Variants in RHOQ observed in about 807,000 individuals in gnomAD.
RHOQ encodes the protein ras homolog family member Q.
In RHOQ, 7 loss-of-function variants were observed where a neutral mutation model predicts 25.8. The ratio of observed to expected loss-of-function variants is 0.27; its 90% CI spans 0.15 to 0.51. RHOQ has a LOEUF of 0.51. Ranked by LOEUF, RHOQ falls within the 20% of genes least tolerant of loss-of-function variation. The pLI is 0.97. For synonymous variants in RHOQ, 97 were observed against 98.6 expected (o/e 0.98, Z 0.10); for missense variants, 165 against 260.6 (o/e 0.63, Z 2.53).
rs370119449 is a variant in RHOQ at position 46,543,058 on chromosome 2, G to A, written c.12G>A (p.Gly4=). The A allele has an allele frequency of 3.7e-6, 6 of 1,601,396 alleles. No individual in the cohort carries two copies. The South Asian group carries it at 6.7e-5, about 18-fold the overall frequency. The change falls in exon 1 of 5, where the codon GGG becomes GGA. Residue 4 remains glycine (G), a synonymous_variant. Coordinates refer to ENST00000238738, the MANE Select transcript of RHOQ (RefSeq NM_012249.4). ...CGGCCGGCAGCAGCATGGCTCACGG[G>A]CCCGGCGCGCTGATGCTCAAGTGCG... MAH[G]PGALMLKCVV... is the part of the protein sequence containing the mutation.
rs1669360513 is a variant in RHOQ, at chr2:46,581,300, T to G, written c.*217T>G. On this transcript the variant is annotated 3_prime_UTR_variant, in exon 5 of 5. Transcript: ENST00000238738. ...GAAGCCACAATCTATTATAAATACT[T>G]TATTTCAACTAGAAGGTACAATCTC... The G allele has an allele frequency of 1.0e-6, 1 of 998,532 alleles. No individual in the cohort carries two copies. The highest frequency in any genetic ancestry group is 1.4e-6 in the Non-Finnish European group (1 of 690,168). 61.9% of individuals were successfully genotyped at this position (998,532 alleles called of 1,614,324 possible).
chr2:46,543,266 C>T, intron 1 of RHOQ, 78 bp downstream of exon 1: 2 of 1,545,414 alleles, frequency 1.3e-6, no homozygotes, highest in South Asian at 2.2e-5. Context: ...AGCCCCCTCG[C>T]CGCCTCCCCA....
At position 46,581,824 on chromosome 2, in the gene RHOQ, C is replaced by G; in HGVS notation, c.*741C>G. ...CAATTGTAGATTTAGTTTGACGCTC[C>G]CCAAAGTGCATGAGACACATGCTAA... On this transcript the variant is annotated 3_prime_UTR_variant, in exon 5 of 5. Coordinates refer to ENST00000238738, the MANE Select transcript of RHOQ (RefSeq NM_012249.4). 4.6e-6 allele frequency: 2 copies of G among 438,194 alleles called. No individual in the cohort carries two copies. The highest frequency in any genetic ancestry group is 7.5e-6 in the Non-Finnish European group (2 of 266,624). The allele number at this position is 438,194 out of a possible 1,614,324, so 27.1% of individuals were successfully genotyped here.
At chr2:46,557,050 C>G (rs1259609860) in intron 2 of RHOQ, among the ~76,000 whole-genome samples, 1 of 152,160 alleles carries the variant, frequency 6.6e-6, no homozygotes, top group African/African-American at 2.4e-5. Context: ...AAAACACACT[C>G]TGTAAAGACA....
At chr2:46,543,285 T>A in intron 1 of RHOQ, 97 bp downstream of exon 1, 1 of 1,362,232 alleles carries the variant, frequency 7.3e-7, no homozygotes, top group Non-Finnish European at 1.0e-6. Context: ...CAGAGCGCAC[T>A]CCTCTCCCCT....
At chr2:46,554,144 T>G (rs1392364305) in intron 2 of RHOQ, among the ~76,000 whole-genome samples, 2 of 152,008 alleles carry the variant, frequency 1.3e-5, no homozygotes, top group Admixed American at 1.3e-4. Flanking sequence ...AATTTATAAA[T>G]TTTTAAACCC....
chr2:46,580,683 TA>T (rs1243977348), intron 4 of RHOQ: 6 of 320,912 alleles, frequency 1.9e-5, no homozygotes, highest in African/African-American at 1.1e-4. Context: ...CCCCAGGACC[TA>T]AACAGTGCTT....
At position 46,556,390 on chromosome 2, in the gene RHOQ, G is replaced by A. The variant is rs747070688; in HGVS notation, c.201+12578G>A. On this transcript the variant is annotated intron_variant, in intron 2 of 4. Transcript: ENST00000238738. The surrounding 1 kb of genome is among the most constrained non-coding windows in gnomAD (Gnocchi z 4.9). ...TACAAAGTGAAGTTCTGCTAGTTGT[G>A]CACTTGTGGTGCTGCCTTCGCCCCT... Among the ~76,000 whole-genome samples the A allele has an allele frequency of 3.3e-5, 5 of 152,090 alleles. No individual in the cohort carries two copies. Among genetic ancestry groups the A allele is most frequent in the Non-Finnish European group, 5.9e-5 (4 of 68,018 alleles).
At chr2:46,565,355 A>G (rs1043016643) in intron 2 of RHOQ, among the ~76,000 whole-genome samples, 1 of 152,230 alleles carries the variant, frequency 6.6e-6, no homozygotes, top group African/African-American at 2.4e-5. Flanking sequence ...AGAATGCTGG[A>G]TAGACAGTCA....
chr2:46,561,035 C>G (rs1270295535), intron 2 of RHOQ, among the ~76,000 whole-genome samples: 1 of 150,468 alleles, frequency 6.6e-6, no homozygotes, highest in Non-Finnish European at 1.5e-5. Flanking sequence ...CACACACACA[C>G]ACACACAAAA....
intron 2 of RHOQ, chr2:46,568,330 C>T (rs954303702): frequency 1.3e-5 from 2 of 152,148 alleles, no homozygotes; most frequent in Admixed American, 6.5e-5. Context: ...ATGGTGGATT[C>T]TCACAACCAA....
At position 46,576,452 on chromosome 2, in the gene RHOQ, C is replaced by A. The variant is rs1268125633; in HGVS notation, c.367-109C>A. Reference sequence around the variant, plus strand: ...TTTCCTGGTTTTTAAAAATTAAGTTCTTTTGTTTAATCTTTTTTTGGTATG... The same window carrying A: ...TTTCCTGGTTTTTAAAAATTAAGTTATTTTGTTTAATCTTTTTTTGGTATG... On this transcript the variant is annotated intron_variant, in intron 3 of 4. Transcript: ENST00000238738. This position sits in a 1 kb window ranked among gnomAD's most constrained non-coding sequence, Gnocchi z 5.1. 4 of 910,462 alleles carry A rather than the reference C, an allele frequency of 4.4e-6. No individual in the cohort carries two copies. The highest frequency in any genetic ancestry group is 3.4e-5 in the African/African-American group (2 of 58,714). The allele number at this position is 910,462 out of a possible 1,614,324, so 56.4% of individuals were successfully genotyped here. A position where few individuals can be genotyped will look rare whatever the true frequency, so the allele number is the denominator to read the frequency against.
At chr2:46,550,807 G>C (rs1054076987) in intron 2 of RHOQ, among the ~76,000 whole-genome samples, 1 of 152,170 alleles carries the variant, frequency 6.6e-6, no homozygotes, top group Non-Finnish European at 1.5e-5. Flanking sequence ...CTAGCTCTGG[G>C]GGCTTCACAC....
Position 46,566,570 on chromosome 2 carries a change from ATTC to A in RHOQ, c.202-9512_202-9510del, listed in dbSNP as rs907574151. Reference sequence around the variant, plus strand: ...CCTTATAAGCCTGACTGCCTAATTCATTCTTCTCAAAGTAGCCTGGATTATCGT... The same window carrying A: ...CCTTATAAGCCTGACTGCCTAATTCATTCTCAAAGTAGCCTGGATTATCGT... On this transcript the variant is annotated intron_variant, in intron 2 of 4. Coordinates refer to ENST00000238738, the MANE Select transcript of RHOQ (RefSeq NM_012249.4). The surrounding 1 kb of genome is among the most constrained non-coding windows in gnomAD (Gnocchi z 4.2). 6.6e-6 allele frequency among the ~76,000 whole-genome samples: 1 copy of A among 152,136 alleles called. No individual in the cohort carries two copies. The highest frequency in any genetic ancestry group is 1.5e-5 in the Non-Finnish European group (1 of 68,024).
chr2:46,580,763 A>G (rs1314721541), intron 4 of RHOQ, 165 bp from the exon 5 acceptor site: 1 of 469,384 alleles, frequency 2.1e-6, no homozygotes, highest in African/African-American at 2.0e-5. Context: ...CTGGAAGGAC[A>G]TATACTAGTA....
rs111573071 is a variant in RHOQ, at chr2:46,545,575, C to T, written c.201+1763C>T. 3.5e-3 allele frequency among the ~76,000 whole-genome samples: 532 copies of T among 152,206 alleles called. 6 individuals are homozygous for T. Among genetic ancestry groups the T allele is most frequent in the African/African-American group, 0.012 (503 of 41,526 alleles). On this transcript the variant is annotated intron_variant, in intron 2 of 4. Coordinates refer to ENST00000238738, the MANE Select transcript of RHOQ (RefSeq NM_012249.4). Reference sequence around the variant, plus strand: ...TGAGATAGGTGGTATTTCATCTTTGCGGTGAGGAAACAGGCTCAGAGAAGC... The same window carrying T: ...TGAGATAGGTGGTATTTCATCTTTGTGGTGAGGAAACAGGCTCAGAGAAGC...
At position 46,543,802 on chromosome 2, in the gene RHOQ, CG is replaced by C; in HGVS notation, c.193del (p.Ala65ProfsTer9). On this transcript the variant is annotated frameshift_variant, in exon 2 of 5. Coordinates refer to ENST00000238738, the MANE Select transcript of RHOQ (RefSeq NM_012249.4). LOFTEE classifies it high-confidence loss of function. ...GKQYLLGLYDTAGQEDYDRLR... is the reference protein window; with the variant it reads ...GKQYLLGLYDXAGQEDYDRLR... ...CAGTACCTCCTAGGACTCTATGACACGGCCGGACAGGTGAGTGTCTTGGCCT... is the reference window on the plus strand; with the variant it reads ...CAGTACCTCCTAGGACTCTATGACACGCCGGACAGGTGAGTGTCTTGGCCT... 1 of 1,613,602 alleles carries C rather than the reference CG, an allele frequency of 6.2e-7. No individual in the cohort carries two copies. The highest frequency in any genetic ancestry group is 8.5e-7 in the Non-Finnish European group (1 of 1,179,722).
chr2:46,548,120 T>C lies in RHOQ; in HGVS notation c.201+4308T>C, dbSNP rs1668131107. Among the ~76,000 whole-genome samples, 1 of 152,248 alleles carries C rather than the reference T, an allele frequency of 6.6e-6. No homozygotes were observed. The highest frequency in any genetic ancestry group is 1.9e-4 in the East Asian group (1 of 5,196). The stretch of plus-strand genomic sequence containing the variant: ...TGTGTGCTTTGGGATGTATTGTTTC[T>C]ATGTCTGTTAACTTAAACACACAAG... On this transcript the variant is annotated intron_variant, in intron 2 of 4. Coordinates refer to ENST00000238738, the MANE Select transcript of RHOQ (RefSeq NM_012249.4). This position sits in a 1 kb window ranked among gnomAD's most constrained non-coding sequence, Gnocchi z 5.2.
rs145650419 is a variant in RHOQ at position 46,584,130 on chromosome 2, C to G, written c.*3047C>G. Among the ~76,000 whole-genome samples the G allele has an allele frequency of 2.5e-4, 38 of 152,154 alleles. 1 individual carries two copies. The East Asian group carries it at 6.9e-3, about 28-fold the overall frequency. On this transcript the variant is annotated 3_prime_UTR_variant, in exon 5 of 5. Coordinates refer to ENST00000238738, the MANE Select transcript of RHOQ (RefSeq NM_012249.4). ...ACTATTTAAAATACCAAATTAAATA[C>G]CAGTTTGTTGGTTGTTACTTTTAAA... is the stretch of plus-strand genomic sequence containing the variant.
Sources: allele counts gnomAD v4.1 joint callset (sites outside exome capture counted in the v4.1 genomes callset), GRCh38; gene constraint gnomAD v4.1.1; non-coding constraint Gnocchi (gnomAD v3.1); transcripts MANE v1.5; gene names NCBI Gene and HGNC (gene_info 2026-07-23, HGNC 2026-07-21).